MYO9A: variants seen among roughly 807,000 people sequenced by gnomAD.
MYO9A encodes unconventional myosin-IXa.
MYO9A carries 103 observed loss-of-function variants against 293.3 expected under a neutral mutation model. The observed-to-expected ratio is 0.35, with a 90% CI of 0.30 to 0.41. MYO9A has a LOEUF of 0.41. Ranked by LOEUF, MYO9A falls within the 10% of genes least tolerant of loss-of-function variation. MYO9A has a pLI of 1.00. For synonymous variants in MYO9A, 1,001 were observed against 1,035.7 expected, an observed-to-expected ratio of 0.97 and a Z score of 0.64; for missense variants, 2,685 against 3,033.0, an observed-to-expected ratio of 0.89 and a Z score of 2.69.
chr15:71,825,728 T>TAA lies in MYO9A; in HGVS notation c.*850_*851dup, dbSNP rs951165644. On this transcript the variant is annotated 3_prime_UTR_variant, in exon 42 of 42. Transcript: ENST00000356056. ...TGAATGGCTTAGGATGAAACCTTCA[T>TAA]AAGTTTAGGGATCACCATGTCTCTG... is the stretch of plus-strand genomic sequence containing the variant. The TAA allele has an allele frequency of 4.6e-5, 7 of 152,164 alleles. No homozygotes were observed. The highest frequency in any genetic ancestry group is 4.6e-4 in the Admixed American group (7 of 15,280). The allele number at this position is 152,164 out of a possible 1,614,324, so 9.4% of individuals were successfully genotyped here.
In MYO9A at chr15:72,021,240, T is replaced by C. The variant is rs867404519; in HGVS notation, c.999-223A>G. Among the ~76,000 whole-genome samples the C allele has an allele frequency of 7.9e-5, 12 of 152,302 alleles. No individual in the cohort carries two copies. The South Asian group carries it at 1.5e-3, about 18-fold the overall frequency. On this transcript the variant is annotated intron_variant, in intron 4 of 41. Coordinates refer to ENST00000356056, the MANE Select transcript of MYO9A (RefSeq NM_006901.4). The stretch of plus-strand genomic sequence containing the variant: ...ATGAAGGCAGCAAAGTTAACAAAGT[T>C]AGGACCTCTGAAAATTCTCTTCTCC...
chr15:71,882,211 A>G (rs1296108633), intron 28 of MYO9A, among the ~76,000 whole-genome samples: 1 of 152,060 alleles, frequency 6.6e-6, no homozygotes, highest in Non-Finnish European at 1.5e-5. Flanking sequence ...ACCTCTTTCT[A>G]TTTTAGTCAA....
intron 19 of MYO9A, among the ~76,000 whole-genome samples, chr15:71,909,797 A>T (rs2057777235): frequency 6.6e-6 from 1 of 152,072 alleles, no homozygotes; most frequent in African/African-American, 2.4e-5. Flanking sequence ...ACAAATTTTT[A>T]AACTTTTAAC....
At chr15:71,850,664 G>A (rs1380295131) in intron 37 of MYO9A, among the ~76,000 whole-genome samples, 2 of 150,976 alleles carry the variant, frequency 1.3e-5, no homozygotes, top group Non-Finnish European at 2.9e-5. Context: ...TATGTAGGGG[G>A]CTGAGGCAGG....
At chr15:72,028,266 A>C (rs1378079801) in intron 3 of MYO9A, among the ~76,000 whole-genome samples, 1 of 146,528 alleles carries the variant, frequency 6.8e-6, no homozygotes, top group Non-Finnish European at 1.5e-5. Flanking sequence ...TACTATTATA[A>C]TTGTGGTATG....
intron 1 of MYO9A, among the ~76,000 whole-genome samples, chr15:72,078,539 C>T (rs2150326385): frequency 6.6e-6 from 1 of 151,922 alleles, no homozygotes; most frequent in East Asian, 1.9e-4. Flanking sequence ...AGAAATCAGA[C>T]ACAGTGGCAC....
At chr15:72,079,062 G>A (rs1326333147) in intron 1 of MYO9A, among the ~76,000 whole-genome samples, 1 of 152,156 alleles carries the variant, frequency 6.6e-6, no homozygotes, top group Non-Finnish European at 1.5e-5. Context: ...TTATACATCT[G>A]TCAAAACCCA....
Position 72,046,167 on chromosome 15 carries a change from T to C in MYO9A, c.397A>G (p.Arg133Gly), listed in dbSNP as rs756969644. 42 of 1,614,082 alleles carry C rather than the reference T, an allele frequency of 2.6e-5. No individual in the cohort carries two copies. The highest frequency in any genetic ancestry group is 4.0e-5 in the African/African-American group (3 of 74,934). Reference sequence around the variant, plus strand: ...GGAAGAAAACCCCGTTCCATCATCCTGCGACGTTCTTCTGTTACCCGTAGC... The same window carrying C: ...GGAAGAAAACCCCGTTCCATCATCCCGCGACGTTCTTCTGTTACCCGTAGC... ...SWLRVTEERR[R>G]MMERGFLPQP... The change falls in exon 2 of 42, where the codon AGG becomes GGG. Residue 133 changes from arginine (R) to glycine (G), a missense_variant. This residue lies in a region of MYO9A where 63 missense variants were observed against 57.9 expected (regional missense o/e 1.09). Coordinates refer to ENST00000356056, the MANE Select transcript of MYO9A (RefSeq NM_006901.4).
rs759871204 is a variant in MYO9A at position 71,879,702 on chromosome 15, C to T, written c.5739+19G>A. 1.3e-6 allele frequency: 2 copies of T among 1,544,278 alleles called. No homozygotes were observed. The highest frequency in any genetic ancestry group is 2.2e-5 in the East Asian group (1 of 44,500). ...CATATGTTGAACTACTAAATATCTC[C>T]TAACATAGTCCAACTCACCGCCAAT... On this transcript the variant is annotated intron_variant, in intron 30 of 41. Coordinates refer to ENST00000356056, the MANE Select transcript of MYO9A (RefSeq NM_006901.4).
chr15:72,064,586 T>C (rs1432188742), intron 1 of MYO9A, among the ~76,000 whole-genome samples: 1 of 152,224 alleles, frequency 6.6e-6, no homozygotes, highest in East Asian at 1.9e-4. Context: ...GTGTATACCA[T>C]TTCAAAACTC....
upstream of MYO9A, chr15:72,118,309 C>G (rs943148662): frequency 2.1e-5 from 5 of 236,502 alleles, no homozygotes; most frequent in South Asian, 1.8e-4. Flanking sequence ...CTTCACCTTA[C>G]GGCAGAGCAG....
intron 32 of MYO9A, among the ~76,000 whole-genome samples, chr15:71,864,363 C>G (rs1374713734): frequency 6.6e-6 from 1 of 152,124 alleles, no homozygotes; most frequent in Non-Finnish European, 1.5e-5. Context: ...TAGACTAGAA[C>G]CCTCAGGTAC....
intron 1 of MYO9A, among the ~76,000 whole-genome samples, chr15:72,068,005 A>G (rs2079072220): frequency 6.6e-6 from 1 of 152,224 alleles, no homozygotes; most frequent in African/African-American, 2.4e-5. Flanking sequence ...TAGAATTCTT[A>G]GTGAAAATAC....
intron 32 of MYO9A, among the ~76,000 whole-genome samples, chr15:71,866,036 A>G (rs1368847769): frequency 6.6e-6 from 1 of 152,188 alleles, no homozygotes; most frequent in African/African-American, 2.4e-5. Flanking sequence ...TTAAACTATG[A>G]GTGTGTGACT....
At position 71,935,903 on chromosome 15, in the gene MYO9A, TACAC is replaced by T. The variant is rs66924608; in HGVS notation, c.2379-423_2379-420del. On this transcript the variant is annotated intron_variant, in intron 16 of 41. Transcript: ENST00000356056. ...TAATTTCCTCCTGAAAGGTCTTATT[TACAC>T]ACACACACACACACACACACACACT... Among the ~76,000 whole-genome samples the T allele has an allele frequency of 1.2e-3, 171 of 148,098 alleles. No individual in the cohort carries two copies. In the East Asian group the frequency reaches 0.012, roughly 10 times the overall value.
chr15:71,848,596 G>A (rs903938479), intron 39 of MYO9A, among the ~76,000 whole-genome samples: 1 of 152,124 alleles, frequency 6.6e-6, no homozygotes, highest in Non-Finnish European at 1.5e-5. Flanking sequence ...AGATTATTAA[G>A]ACACCAACAT....
At chr15:71,876,709 C>T (rs2056705247) in intron 31 of MYO9A, among the ~76,000 whole-genome samples, 1 of 152,100 alleles carries the variant, frequency 6.6e-6, no homozygotes. Context: ...GCTGGGATTA[C>T]AGGCATGAGC....
rs543653728 is a variant in MYO9A at position 71,913,086 on chromosome 15, C to T, written c.2685+3284G>A. Among the ~76,000 whole-genome samples the T allele has an allele frequency of 2.4e-4, 37 of 152,044 alleles. No individual in the cohort carries two copies. The South Asian group carries it at 7.7e-3, about 32-fold the overall frequency. The stretch of plus-strand genomic sequence containing the variant: ...AATATATTTTTCTGTGCCCTCCTCC[C>T]TTTCATCTCCTGAGATTCCAATTAC... On this transcript the variant is annotated intron_variant, in intron 19 of 41. Coordinates refer to ENST00000356056, the MANE Select transcript of MYO9A (RefSeq NM_006901.4).
At chr15:71,884,959 CTTTTTT>C (rs544597176) in intron 27 of MYO9A, among the ~76,000 whole-genome samples, 1 of 136,640 alleles carries the variant, frequency 7.3e-6, no homozygotes, top group Non-Finnish European at 1.6e-5. Context: ...TTCTTTCTTC[CTTTTTT>C]TTTTTTTTTT....
Sources: gnomAD v4.1 joint callset for allele counts (sites outside exome capture counted in the v4.1 genomes callset) on GRCh38, gnomAD v4.1.1 for gene constraint, gnomAD v4.1.1 regional missense constraint, MANE v1.5 for transcripts, NCBI Gene and HGNC (gene_info 2026-07-23, HGNC 2026-07-21) for gene names.